The following ZFHX3 variants were observed in gnomAD, a reference collection of about 807,000 sequenced individuals.
The protein encoded by ZFHX3 is zinc finger homeobox protein 3.
A neutral mutation model predicts 279.1 loss-of-function variants in ZFHX3; 42 were observed. The ratio of observed to expected loss-of-function variants is 0.15; its 90% CI spans 0.12 to 0.19. ZFHX3 has a LOEUF of 0.19. ZFHX3 is among the 10% of genes least tolerant of loss of function. ZFHX3 has a pLI of 1.00. For missense variants in ZFHX3, 4,981 were observed against 4,754.0 expected, an observed-to-expected ratio of 1.05 and a Z score of -1.40; for synonymous variants, 2,293 against 1,957.8, an observed-to-expected ratio of 1.17 and a Z score of -4.52.
rs770633040 is a variant in ZFHX3, at chr16:72,811,667, C to A, written c.3774G>T (p.Gln1258His). The change falls in exon 7 of 10, where the codon CAG (glutamine) becomes CAT (histidine). Residue 1258 changes from glutamine to histidine, a missense_variant. By Grantham distance (24) the Gln-to-His change is conservative (BLOSUM62 0). Transcript: ENST00000268489. ...GGTGGATCTTGTTGTTGAGCATGTC[C>A]TGGCACAGGGGGCAGCGAAGCATGG... Reference protein sequence around the residue: ...VQPMLRCPLCQDMLNNKIHLQ... With the variant: ...VQPMLRCPLCHDMLNNKIHLQ... 2 of 1,613,994 alleles carry A rather than the reference C, an allele frequency of 1.2e-6. No homozygotes were observed. The highest frequency in any genetic ancestry group is 2.2e-5 in the South Asian group (2 of 91,064).
chr16:73,453,691 CTG>C (rs781408453), intron 3 of ZFHX3, among the ~76,000 whole-genome samples: 8 of 152,162 alleles, frequency 5.3e-5, no homozygotes, highest in Non-Finnish European at 8.8e-5. Flanking sequence ...ATAGCTGAGA[CTG>C]TGCAATTTAT....
chr16:73,809,444 G>A (rs1426992689), intron 1 of ZFHX3: 2 of 152,192 alleles, frequency 1.3e-5, no homozygotes, highest in African/African-American at 4.8e-5. Flanking sequence ...TCCTCACCTA[G>A]GTTAGAGCAG....
chr16:73,344,208 C>G (rs1210867137), intron 3 of ZFHX3, among the ~76,000 whole-genome samples: 3 of 152,232 alleles, frequency 2.0e-5, no homozygotes, highest in Non-Finnish European at 2.9e-5. Flanking sequence ...AAAATCATAT[C>G]CTCTGACTTC....
chr16:73,767,208 A>G (rs963834130), intron 1 of ZFHX3, among the ~76,000 whole-genome samples: 23 of 152,160 alleles, frequency 1.5e-4, no homozygotes, highest in African/African-American at 5.3e-4. Context: ...AAGTGCTGGG[A>G]TCGCAGGTGT....
intron 4 of ZFHX3, among the ~76,000 whole-genome samples, chr16:73,282,105 G>A (rs1247542554): frequency 5.9e-5 from 9 of 152,224 alleles, no homozygotes; most frequent in Non-Finnish European, 1.5e-5. Context: ...TATTTTTCCA[G>A]ATATTTGTTT....
At chr16:73,135,269 C>A (rs1966768184) in intron 6 of ZFHX3, among the ~76,000 whole-genome samples, 1 of 152,152 alleles carries the variant, frequency 6.6e-6, no homozygotes, top group African/African-American at 2.4e-5. Context: ...AGATCATAAA[C>A]CCTTGCCTAG....
At chr16:73,394,117 C>T (rs1009613924) in intron 3 of ZFHX3, among the ~76,000 whole-genome samples, 40 of 150,968 alleles carry the variant, frequency 2.6e-4, no homozygotes, top group African/African-American at 9.0e-4. Context: ...ACCAGTTCCT[C>T]TGATTTATTA....
chr16:72,920,602 G>A (rs1011902183), intron 3 of ZFHX3, among the ~76,000 whole-genome samples: 4 of 152,006 alleles, frequency 2.6e-5, no homozygotes, highest in African/African-American at 9.7e-5. Context: ...CCCAGGAGGT[G>A]GAGGTTGTAG....
At chr16:73,297,953 G>A (rs1005438181) in intron 4 of ZFHX3, among the ~76,000 whole-genome samples, 3 of 151,802 alleles carry the variant, frequency 2.0e-5, no homozygotes, top group Non-Finnish European at 4.4e-5. Flanking sequence ...GGGAGGCTGA[G>A]GGGGGAAGGT....
intron 1 of ZFHX3, among the ~76,000 whole-genome samples, chr16:73,014,830 G>A (rs765850940): frequency 4.0e-5 from 6 of 151,624 alleles, no homozygotes; most frequent in East Asian, 3.9e-4. Context: ...AACTTCTTAC[G>A]GCATCAAGAG....
Position 72,787,788 on chromosome 16 carries a change from G to A in ZFHX3, c.10488C>T (p.Asn3496=). 1.2e-6 allele frequency: 2 copies of A among 1,610,126 alleles called. No individual in the cohort carries two copies. The highest frequency in any genetic ancestry group is 1.1e-5 in the South Asian group (1 of 90,490). Residue 3496 remains asparagine, a synonymous_variant, in exon 10 of 10, where the codon AAC becomes AAT. Transcript: ENST00000268489. ...GGACGTGAAGCACCATCTCTTGCAGGTTCACCACAGACTGGCCGAAGAAGC... is the reference window on the plus strand; with the variant it reads ...GGACGTGAAGCACCATCTCTTGCAGATTCACCACAGACTGGCCGAAGAAGC... The part of the protein sequence containing the change: ...SLCFFGQSVV[N]LQEMVLHVPT...
At chr16:73,578,774 A>C (rs1444447105) in intron 2 of ZFHX3, among the ~76,000 whole-genome samples, 1 of 152,204 alleles carries the variant, frequency 6.6e-6, no homozygotes, top group Non-Finnish European at 1.5e-5. Context: ...GTGAAAATAG[A>C]CAGCAACATC....
upstream of ZFHX3, chr16:73,060,518 C>G (rs1044779975): frequency 7.0e-6 from 1 of 142,396 alleles, no homozygotes; most frequent in African/African-American, 2.5e-5. Context: ...CTCTCTCTCT[C>G]TCCCCCCTCT....
chr16:73,585,526 G>C (rs952271133), intron 2 of ZFHX3, among the ~76,000 whole-genome samples: 1 of 152,116 alleles, frequency 6.6e-6, no homozygotes, highest in African/African-American at 2.4e-5. Context: ...TGGGTTGATA[G>C]GTGCAGCAAA....
intron 5 of ZFHX3, among the ~76,000 whole-genome samples, chr16:73,203,689 G>A (rs2011685728): frequency 6.6e-6 from 1 of 152,190 alleles, no homozygotes; most frequent in Non-Finnish European, 1.5e-5. Context: ...GTGGGCTGGG[G>A]ATAGGTGAAT....
chr16:72,859,580 G>T (rs147526215), intron 4 of ZFHX3, among the ~76,000 whole-genome samples: 2 of 152,216 alleles, frequency 1.3e-5, no homozygotes, highest in Non-Finnish European at 2.9e-5. Flanking sequence ...AAATAAAGAC[G>T]TTTAGGGATT....
chr16:73,423,568 G>A (rs2017757430), intron 3 of ZFHX3, among the ~76,000 whole-genome samples: 1 of 152,146 alleles, frequency 6.6e-6, no homozygotes, highest in South Asian at 2.1e-4. Flanking sequence ...GCTGTTAAGA[G>A]GTTTAGAAAT....
intron 2 of ZFHX3, among the ~76,000 whole-genome samples, chr16:73,533,039 A>G (rs1225685794): frequency 2.0e-5 from 3 of 152,190 alleles, no homozygotes; most frequent in Non-Finnish European, 4.4e-5. Context: ...TTTCATCATA[A>G]CAGCGTGAAA....
At chr16:73,462,903 G>T (rs1402784504) in intron 2 of ZFHX3, among the ~76,000 whole-genome samples, 1 of 152,138 alleles carries the variant, frequency 6.6e-6, no homozygotes, top group African/African-American at 2.4e-5. Context: ...TCTGGGTTTG[G>T]CATCAATATA....
Sources: allele counts gnomAD v4.1 joint callset (sites outside exome capture counted in the v4.1 genomes callset), GRCh38; gene constraint gnomAD v4.1.1; transcripts MANE v1.5; gene names NCBI Gene and HGNC (gene_info 2026-07-23, HGNC 2026-07-21).